The following MMP26 variants were observed in gnomAD, a reference collection of about 807,000 sequenced individuals.
The protein encoded by MMP26 is matrix metalloproteinase-26.
In MMP26, 33 loss-of-function variants were observed where a neutral mutation model predicts 31.0. The ratio of observed to expected loss-of-function variants is 1.06; its 90% CI spans 0.81 to 1.42. The LOEUF (loss-of-function observed/expected upper bound fraction) is 1.42, where lower values mean the gene tolerates loss of function less well. MMP26 is among the 40% of genes most tolerant of loss of function. The pLI is 0.00. For missense variants in MMP26, 347 were observed against 316.1 expected (o/e 1.10, Z -0.74); for synonymous variants, 122 against 114.9 (o/e 1.06, Z -0.40).
intron 2 of MMP26, among the ~76,000 whole-genome samples, chr11:4,778,341 G>T (rs113245562): frequency 4.0e-5 from 6 of 151,884 alleles, no homozygotes; most frequent in Non-Finnish European, 5.9e-5. Context: ...TCATCATGTC[G>T]TTGATTTCCA....
intron 2 of MMP26, chr11:4,915,286 G>A (rs1292556582): frequency 1.2e-6 from 2 of 1,613,914 alleles, no homozygotes; most frequent in Admixed American, 1.7e-5. Flanking sequence ...CCACAAAGCG[G>A]TCAAAGGCCA....
At chr11:4,813,384 A>G (rs1251926002) in intron 2 of MMP26, among the ~76,000 whole-genome samples, 1 of 151,646 alleles carries the variant, frequency 6.6e-6, no homozygotes, top group Non-Finnish European at 1.5e-5. Context: ...CTTTCTTTCT[A>G]TTTATTTATT....
At chr11:4,838,315 TAAAAAAAAAAAAAAAAAAA>T (rs540572047) in intron 2 of MMP26, among the ~76,000 whole-genome samples, 20 of 27,404 alleles carry the variant, frequency 7.3e-4, no homozygotes, top group South Asian at 5.1e-3. Flanking sequence ...AGACTCTGTC[TAAAAAAAAAAAAAAAAAAA>T]AAAAAAAAAA....
At chr11:4,823,600 T>A (rs191439258) in intron 2 of MMP26, among the ~76,000 whole-genome samples, 3 of 152,238 alleles carry the variant, frequency 2.0e-5, no homozygotes, top group African/African-American at 7.2e-5. Context: ...AAATCCCCCA[T>A]GAGGCCATGG....
In MMP26 at chr11:4,719,548, A is replaced by G. The variant is rs187026116; in HGVS notation, c.-217+14503A>G. The G allele has an allele frequency of 2.0e-5, 3 of 153,270 alleles. No individual in the cohort carries two copies. The East Asian group carries it at 5.8e-4, about 30-fold the overall frequency. The allele number at this position is 153,270 out of a possible 1,614,324, so 9.5% of individuals were successfully genotyped here. A position where few individuals can be genotyped will look rare whatever the true frequency, so the allele number is the denominator to read the frequency against. On this transcript the variant is annotated intron_variant, in intron 1 of 7. Coordinates refer to ENST00000380390, the MANE Select transcript of MMP26 (RefSeq NM_021801.5). ...TGTGCTAAAAGTACTCCATTGTAGC[A>G]CGGCAAAGAACTAGATGAACCTTTC... is the stretch of plus-strand genomic sequence containing the variant.
At position 4,852,945 on chromosome 11, in the gene MMP26, C is replaced by T. The variant is rs192102534; in HGVS notation, c.-145+85604C>T. Reference sequence around the variant, plus strand: ...GGATATTATGCCAAGTGAAATAAGTCAGACACAGTAAGAAAAATGCTGCAC... The same window carrying T: ...GGATATTATGCCAAGTGAAATAAGTTAGACACAGTAAGAAAAATGCTGCAC... On this transcript the variant is annotated intron_variant, in intron 2 of 7. Coordinates refer to ENST00000380390, the MANE Select transcript of MMP26 (RefSeq NM_021801.5). Among the ~76,000 whole-genome samples, 319 of 152,206 alleles carry T rather than the reference C, an allele frequency of 2.1e-3. 1 individual carries two copies. The highest frequency in any genetic ancestry group is 0.017 in the Middle Eastern group (5 of 294).
At chr11:4,956,179 C>A (rs1846440537) in intron 2 of MMP26, among the ~76,000 whole-genome samples, 1 of 152,102 alleles carries the variant, frequency 6.6e-6, no homozygotes, top group African/African-American at 2.4e-5. Flanking sequence ...TGGGCACTTA[C>A]CAGAGAGTGG....
intron 2 of MMP26, among the ~76,000 whole-genome samples, chr11:4,878,887 T>C (rs1487531323): frequency 6.6e-6 from 1 of 152,100 alleles, no homozygotes; most frequent in Non-Finnish European, 1.5e-5. Context: ...GATAAGCACC[T>C]TTGCTCAGTG....
At chr11:4,797,214 G>A (rs1849119904) in intron 2 of MMP26, among the ~76,000 whole-genome samples, 1 of 152,152 alleles carries the variant, frequency 6.6e-6, no homozygotes, top group African/African-American at 2.4e-5. Flanking sequence ...TTGAGGGTTA[G>A]TAAGACAGAA....
intron 1 of MMP26, among the ~76,000 whole-genome samples, chr11:4,748,991 G>A (rs1848414964): frequency 6.6e-6 from 1 of 151,872 alleles, no homozygotes; most frequent in Admixed American, 6.6e-5. Context: ...TTGGAAAAGA[G>A]GAAATCAAAT....
intron 2 of MMP26, among the ~76,000 whole-genome samples, chr11:4,927,637 C>T (rs149202285): frequency 1.3e-3 from 198 of 152,130 alleles, no homozygotes; most frequent in African/African-American, 4.6e-3. Context: ...ATGCCTGAGC[C>T]GTGACAGTTG....
At chr11:4,865,112 G>T (rs1850216652) in intron 2 of MMP26, among the ~76,000 whole-genome samples, 1 of 151,906 alleles carries the variant, frequency 6.6e-6, no homozygotes, top group Admixed American at 6.6e-5. Flanking sequence ...AATCAAATAG[G>T]CCTAGTGGAA....
intron 2 of MMP26, among the ~76,000 whole-genome samples, chr11:4,810,663 T>G (rs936743342): frequency 3.3e-5 from 5 of 152,210 alleles, no homozygotes; most frequent in Admixed American, 2.0e-4. Flanking sequence ...GTGAGACCCC[T>G]CACCTCTGAG....
chr11:4,821,837 C>T (rs774867516), intron 2 of MMP26: 1 of 1,613,246 alleles, frequency 6.2e-7, no homozygotes, highest in East Asian at 2.2e-5. Context: ...ACCATCCTTA[C>T]CAATGCCCGA....
intron 1 of MMP26, chr11:4,710,749 CACAGTTAAAATA>C: frequency 4.4e-6 from 1 of 228,716 alleles, no homozygotes; most frequent in Non-Finnish European, 8.8e-6. Context: ...AGTATAGGAC[CACAGTTAAAATA>C]TGTCTGAAAG....
At chr11:4,854,117 G>A (rs2133502813) in intron 2 of MMP26, among the ~76,000 whole-genome samples, 1 of 152,316 alleles carries the variant, frequency 6.6e-6, no homozygotes, top group East Asian at 1.9e-4. Flanking sequence ...TGGCTGAATA[G>A]GAACAGCTCC....
At position 4,960,409 on chromosome 11, in the gene MMP26, T is replaced by A. The variant is rs75556333; in HGVS notation, c.-144-27659T>A. ...CCCACTCCACCTCAACTGTCAAACA[T>A]CTTTATTGACATGCAAAGACCTGCT... On this transcript the variant is annotated intron_variant, in intron 2 of 7. Transcript: ENST00000380390. Among the ~76,000 whole-genome samples, 494 of 152,044 alleles carry A rather than the reference T, an allele frequency of 3.2e-3. 1 individual carries two copies. Among genetic ancestry groups the A allele is most frequent in the African/African-American group, 8.9e-3 (370 of 41,488 alleles).
chr11:4,959,062 C>A (rs1459831917), intron 2 of MMP26, among the ~76,000 whole-genome samples: 1 of 151,952 alleles, frequency 6.6e-6, no homozygotes, highest in Non-Finnish European at 1.5e-5. Flanking sequence ...CACGGTGAAA[C>A]CCAGTCTCTA....
At chr11:4,746,831 T>TCTCACA (rs1001819512) in intron 1 of MMP26, among the ~76,000 whole-genome samples, 2 of 137,116 alleles carry the variant, frequency 1.5e-5, no homozygotes, top group South Asian at 2.5e-4. Flanking sequence ...TAAGTCTCTG[T>TCTCACA]CACACACACA....
Sources: allele counts gnomAD v4.1 joint callset (sites outside exome capture counted in the v4.1 genomes callset), GRCh38; gene constraint gnomAD v4.1.1; transcripts MANE v1.5; gene names NCBI Gene and HGNC (gene_info 2026-07-23, HGNC 2026-07-21).